CLTRN: variants seen among roughly 807,000 people sequenced by gnomAD.
CLTRN encodes collectrin.
Under a neutral mutation model 14.5 loss-of-function variants are expected in CLTRN, and 12 were observed. That is an observed-to-expected ratio of 0.83 (90% CI 0.53 to 1.34). CLTRN has a LOEUF of 1.34. Ranked by LOEUF, CLTRN falls within the 40% of genes most tolerant of loss-of-function variation. The probability of loss-of-function intolerance (pLI) is 0.00; values close to 1 mark genes in which losing one functional copy is unlikely to be tolerated. For missense variants in CLTRN, 154 were observed against 165.1 expected (o/e 0.93, Z 0.37); for synonymous variants, 58 against 56.5 (o/e 1.03, Z -0.12).
intron 1 of CLTRN, among the ~76,000 whole-genome samples, chrX:15,670,209 T>G (rs1929689571): frequency 9.2e-6 from 1 of 109,145 alleles, no homozygotes; most frequent in African/African-American, 3.3e-5. Context: ...CCAGGGAGGT[T>G]GAGGCTGCAG....
intron 5 of CLTRN, among the ~76,000 whole-genome samples, chrX:15,632,191 G>A (rs1429025035): frequency 8.9e-6 from 1 of 111,865 alleles, no homozygotes; most frequent in East Asian, 2.8e-4. Flanking sequence ...GGCCCTCAGA[G>A]CTAGGGGATG....
At chrX:15,646,931 C>T (rs1407804364) in intron 3 of CLTRN, 1 of 265,347 alleles carries the variant, frequency 3.8e-6, no homozygotes, top group African/African-American at 2.8e-5. Context: ...CTGCCCGGGT[C>T]TAGGCCGCTG....
rs752980250 is a variant in CLTRN, at chrX:15,674,736, C to T, written c.-506+253G>A. On this transcript the variant is annotated intron_variant, in intron 1 of 6. Transcript: ENST00000650271. ...GGCCCCTCCAACACCTCCGTGGCTTCCCGGGATCAAGTATCGCACCTAAAA... is the reference window on the plus strand; with the variant it reads ...GGCCCCTCCAACACCTCCGTGGCTTTCCGGGATCAAGTATCGCACCTAAAA... Among the ~76,000 whole-genome samples, 5 of 113,055 alleles carry T rather than the reference C, an allele frequency of 4.4e-5. No individual in the cohort carries two copies. The South Asian group carries it at 1.8e-3, about 41-fold the overall frequency.
At chrX:15,632,883 C>CAAAAAA (rs758319942) in intron 5 of CLTRN, among the ~76,000 whole-genome samples, 3 of 43,701 alleles carry the variant, frequency 6.9e-5, no homozygotes, top group Non-Finnish European at 8.0e-5. Flanking sequence ...GACTCTGTCT[C>CAAAAAA]AAAAAAAAAA....
upstream of CLTRN, among the ~76,000 whole-genome samples, chrX:15,668,605 A>G (rs769203174): frequency 8.9e-6 from 1 of 111,963 alleles, no homozygotes; most frequent in African/African-American, 3.2e-5. Context: ...AAAGAATATC[A>G]GGTAGGTTCC....
At chrX:15,671,844 G>GCGCGCA (rs1238166963) in intron 1 of CLTRN, among the ~76,000 whole-genome samples, 4 of 90,048 alleles carry the variant, frequency 4.4e-5, no homozygotes, top group South Asian at 5.1e-4. Flanking sequence ...TTTTATGCGC[G>GCGCGCA]CACACACACA....
In CLTRN at chrX:15,627,807, T is replaced by G; in HGVS notation, c.*164A>C. ...GAATAGCTTATGATTTCAGTGGTGT[T>G]GGTGGGTATAATTGATTGCTTTTCA... On this transcript the variant is annotated 3_prime_UTR_variant, in exon 6 of 6. Transcript: ENST00000380342. 1 of 324,254 alleles carries G rather than the reference T, an allele frequency of 3.1e-6. No individual in the cohort carries two copies. Among genetic ancestry groups the G allele is most frequent in the Non-Finnish European group, 5.2e-6 (1 of 193,019 alleles). The allele number at this position is 324,254 out of a possible 1,213,427, so 26.7% of individuals were successfully genotyped here. A position where few individuals can be genotyped will look rare whatever the true frequency, so the allele number is the denominator to read the frequency against.
intron 3 of CLTRN, chrX:15,646,455 C>A: frequency 3.5e-6 from 1 of 287,899 alleles, no homozygotes; most frequent in Non-Finnish European, 6.6e-6. Flanking sequence ...CAGAAAACCG[C>A]GCACCCACCC....
At chrX:15,668,910 TTTATAGAG>T (rs1303811412), upstream of CLTRN, among the ~76,000 whole-genome samples, 3 of 112,155 alleles carry the variant, frequency 2.7e-5, no homozygotes, top group African/African-American at 9.7e-5. Context: ...CCTCATGGAC[TTTATAGAG>T]TATTTCCCAT....
At chrX:15,642,723 C>A (rs1292749158) in intron 4 of CLTRN, among the ~76,000 whole-genome samples, 1 of 111,556 alleles carries the variant, frequency 9.0e-6, no homozygotes, top group Non-Finnish European at 1.9e-5. Flanking sequence ...AGCATGGTGG[C>A]CTTAACAAAT....
intron 2 of CLTRN, among the ~76,000 whole-genome samples, chrX:15,659,744 G>C (rs1929461426): frequency 9.0e-6 from 1 of 111,345 alleles, no homozygotes; most frequent in African/African-American, 3.3e-5. Flanking sequence ...AAGACACAGG[G>C]AGAAGACAGC....
At chrX:15,646,185 G>T (rs755135757) in intron 3 of CLTRN, 10 of 171,688 alleles carry the variant, frequency 5.8e-5, no homozygotes, top group Non-Finnish European at 1.1e-4. Context: ...CTGCAGCTGC[G>T]CGCCGCAAAG....
chrX:15,669,463 T>C (rs1177500543), upstream of CLTRN, among the ~76,000 whole-genome samples: 3 of 112,253 alleles, frequency 2.7e-5, no homozygotes, highest in Admixed American at 1.9e-4. Flanking sequence ...TTCAGATTAC[T>C]GTTGCCATGA....
At chrX:15,655,915 A>G in intron 3 of CLTRN, among the ~76,000 whole-genome samples, 1 of 111,944 alleles carries the variant, frequency 8.9e-6, no homozygotes, top group East Asian at 2.8e-4. Context: ...GCAAACAAGA[A>G]TATCACTCCA....
chrX:15,657,569 G>C (rs1198405855), intron 3 of CLTRN, among the ~76,000 whole-genome samples: 3 of 111,940 alleles, frequency 2.7e-5, no homozygotes, highest in Non-Finnish European at 5.6e-5. Context: ...AGAAGGGCTA[G>C]AAGAAAATAC....
At chrX:15,668,614 CCTTTTCAAGTGCTGATT>C (rs1294966397), upstream of CLTRN, among the ~76,000 whole-genome samples, 1 of 111,706 alleles carries the variant, frequency 9.0e-6, no homozygotes, top group African/African-American at 3.3e-5. Flanking sequence ...CAGGTAGGTT[CCTTTTCAAGTGCTGATT>C]CTTGAAGCGT....
At chrX:15,652,060 T>G (rs1929230438) in intron 3 of CLTRN, among the ~76,000 whole-genome samples, 1 of 112,153 alleles carries the variant, frequency 8.9e-6, no homozygotes, top group Non-Finnish European at 1.9e-5. Context: ...ACATGAAGAA[T>G]GACTGCACAT....
At chrX:15,658,676 G>C (rs759398521) in intron 3 of CLTRN, among the ~76,000 whole-genome samples, 1 of 106,449 alleles carries the variant, frequency 9.4e-6, no homozygotes, top group Non-Finnish European at 1.9e-5. Flanking sequence ...TTCAAAATAA[G>C]AGTAAAATTC....
intron 3 of CLTRN, chrX:15,646,332 C>T: frequency 3.8e-6 from 1 of 266,029 alleles, no homozygotes; most frequent in South Asian, 3.5e-5. Flanking sequence ...TATCTCTGGC[C>T]CTGACCGCAG....
Sources: gnomAD v4.1 joint callset for allele counts (sites outside exome capture counted in the v4.1 genomes callset) on GRCh38, gnomAD v4.1.1 for gene constraint, MANE v1.5 for transcripts, NCBI Gene and HGNC (gene_info 2026-07-23, HGNC 2026-07-21) for gene names.